The following COL24A1 variants were observed in gnomAD, a reference collection of about 807,000 sequenced individuals.
The protein encoded by COL24A1 is collagen type XXIV alpha 1 chain.
In COL24A1, 224 loss-of-function variants were observed where a neutral mutation model predicts 253.9. That is an observed-to-expected ratio of 0.88 (90% CI 0.79 to 0.99). The LOEUF (loss-of-function observed/expected upper bound fraction) is 0.99. Among genes scored for constraint, COL24A1 ranks in the 50% least tolerant of loss-of-function variants. The probability of loss-of-function intolerance (pLI) is 0.00; values close to 1 mark genes in which losing one functional copy is unlikely to be tolerated. For synonymous variants in COL24A1, 685 were observed against 673.7 expected (o/e 1.02, Z -0.26); for missense variants, 2,131 against 2,068.5 (o/e 1.03, Z -0.59).
intron 3 of COL24A1, among the ~76,000 whole-genome samples, chr1:86,120,201 T>C (rs61802238): frequency 0.14 from 21,623 of 152,034 alleles, 1,721 homozygotes; most frequent in South Asian, 0.24. Flanking sequence ...AGAAGAAAAC[T>C]TAGGCAATAC....
At chr1:85,731,878 C>T (rs1052408776) in intron 59 of COL24A1, among the ~76,000 whole-genome samples, 1 of 152,002 alleles carries the variant, frequency 6.6e-6, no homozygotes, top group Non-Finnish European at 1.5e-5. Flanking sequence ...CTAAAATTTC[C>T]ACTTGATTAG....
chr1:85,945,952 T>C (rs1007394749), intron 24 of COL24A1, among the ~76,000 whole-genome samples: 3 of 152,204 alleles, frequency 2.0e-5, no homozygotes, highest in African/African-American at 7.2e-5. Flanking sequence ...ATCTTTAAAA[T>C]GGCCTGCTTA....
intron 3 of COL24A1, among the ~76,000 whole-genome samples, chr1:86,121,557 G>A (rs1441366265): frequency 2.0e-5 from 3 of 151,422 alleles, no homozygotes; most frequent in Admixed American, 2.0e-4. Flanking sequence ...ATATGAAAGA[G>A]CAAAAAAGAA....
intron 18 of COL24A1, 147 bp downstream of exon 18, chr1:86,022,093 T>C: frequency 1.4e-6 from 1 of 732,766 alleles, no homozygotes; most frequent in Non-Finnish European, 2.3e-6. Context: ...GAATGTGAAC[T>C]GAATACCTGA....
At chr1:85,754,550 T>TAAAAAAAAAAAAAAA (rs34069021) in intron 55 of COL24A1, among the ~76,000 whole-genome samples, 2 of 110,994 alleles carry the variant, frequency 1.8e-5, no homozygotes, top group East Asian at 2.6e-4. Flanking sequence ...AAAAAAAAAT[T>TAAAAAAAAAAAAAAA]AAAAAAAAAA....
At chr1:86,124,199 A>G (rs1446631206) in intron 3 of COL24A1, among the ~76,000 whole-genome samples, 1 of 130,502 alleles carries the variant, frequency 7.7e-6, no homozygotes, top group African/African-American at 2.8e-5. Flanking sequence ...TTTTGTTTAC[A>G]TGATATTAAA....
chr1:85,986,994 T>C (rs1693773734), intron 20 of COL24A1, among the ~76,000 whole-genome samples: 1 of 151,868 alleles, frequency 6.6e-6, no homozygotes, highest in Non-Finnish European at 1.5e-5. Flanking sequence ...TACAAACCAG[T>C]AAGTTTGTAT....
intron 7 of COL24A1, among the ~76,000 whole-genome samples, chr1:86,074,937 G>A (rs1200541635): frequency 6.7e-6 from 1 of 149,220 alleles, no homozygotes; most frequent in Non-Finnish European, 1.5e-5. Flanking sequence ...AAATGCTATA[G>A]GGAAAGATCT....
Position 86,155,069 on chromosome 1 carries a change from C to A in COL24A1, c.56+1272G>T, listed in dbSNP as rs1035894803. On this transcript the variant is annotated intron_variant, in intron 1 of 59. Coordinates refer to ENST00000370571, the MANE Select transcript of COL24A1 (RefSeq NM_152890.7). Reference sequence around the variant, plus strand: ...GAAGGCAACCCGCAGAGCTTGACCTCTACTCGCTCCAGGGACTCCCCAGCC... The same window carrying A: ...GAAGGCAACCCGCAGAGCTTGACCTATACTCGCTCCAGGGACTCCCCAGCC... 5.9e-5 allele frequency: 9 copies of A among 152,560 alleles called. 1 individual carries two copies. The highest frequency in any genetic ancestry group is 2.0e-4 in the Admixed American group (3 of 15,310). 9.5% of individuals were successfully genotyped at this position (152,560 alleles called of 1,614,324 possible).
At chr1:86,052,080 T>A (rs1700351036) in intron 10 of COL24A1, among the ~76,000 whole-genome samples, 1 of 151,524 alleles carries the variant, frequency 6.6e-6, no homozygotes, top group African/African-American at 2.4e-5. Context: ...GAAATAGGGG[T>A]GTGAGAGAAG....
At chr1:86,145,356 C>A (rs1651728129) in intron 2 of COL24A1, among the ~76,000 whole-genome samples, 1 of 152,000 alleles carries the variant, frequency 6.6e-6, no homozygotes, top group Admixed American at 6.6e-5. Context: ...AGGAGAAAAA[C>A]AAACAAACAA....
intron 29 of COL24A1, 24 bp from the exon 30 acceptor site, chr1:85,896,089 G>A (rs1261193139): frequency 3.7e-6 from 6 of 1,609,154 alleles, no homozygotes; most frequent in South Asian, 1.1e-5. Context: ...AAAGCCAGGT[G>A]AGTTAGTAAG....
chr1:85,739,882 AT>A (rs1376342210), intron 57 of COL24A1, among the ~76,000 whole-genome samples: 1 of 152,086 alleles, frequency 6.6e-6, no homozygotes, highest in Non-Finnish European at 1.5e-5. Context: ...CAACAACTGC[AT>A]CTCCTCCATA....
Position 85,831,475 on chromosome 1 carries a change from A to T in COL24A1, c.3681+7110T>A, listed in dbSNP as rs747594151. ...GTAAATCTCACCAAGACAAACCTGCATTCTAAGAGTTTTGTTACAATTACT... is the reference window on the plus strand; with the variant it reads ...GTAAATCTCACCAAGACAAACCTGCTTTCTAAGAGTTTTGTTACAATTACT... On this transcript the variant is annotated intron_variant, in intron 43 of 59. Coordinates refer to ENST00000370571, the MANE Select transcript of COL24A1 (RefSeq NM_152890.7). Among the ~76,000 whole-genome samples the T allele has an allele frequency of 5.6e-4, 85 of 152,274 alleles. 2 individuals carry two copies. The highest frequency in any genetic ancestry group is 1.1e-3 in the Admixed American group (17 of 15,246).
At chr1:86,154,758 T>A (rs1214630404) in intron 1 of COL24A1, 1 of 152,942 alleles carries the variant, frequency 6.5e-6, no homozygotes, top group African/African-American at 2.4e-5. Context: ...CCTCGCGCGG[T>A]GGCAGAGGGA....
Position 85,778,605 on chromosome 1 carries a change from A to ATTT in COL24A1, c.4338+2612_4338+2614dup, listed in dbSNP as rs369650547. Among the ~76,000 whole-genome samples the ATTT allele has an allele frequency of 1.5e-3, 208 of 138,334 alleles. 8 individuals carry two copies. The highest frequency in any genetic ancestry group is 3.4e-3 in the East Asian group (16 of 4,720). The allele number at this position is 138,334 out of a possible 152,430, so 90.8% of individuals were successfully genotyped here. ...TGTTAGTTTTCTAGATTATTCTTCA[A>ATTT]TTTTTTTTTTTTTTTTGAGATGGAG... On this transcript the variant is annotated intron_variant, in intron 52 of 59. Coordinates refer to ENST00000370571, the MANE Select transcript of COL24A1 (RefSeq NM_152890.7).
intron 32 of COL24A1, among the ~76,000 whole-genome samples, chr1:85,887,096 G>T (rs962837200): frequency 7.9e-5 from 12 of 152,160 alleles, no homozygotes; most frequent in African/African-American, 2.9e-4. Context: ...CTAAGAAAGA[G>T]TAGCTAGAAA....
chr1:86,125,095 G>T lies in COL24A1; in HGVS notation c.1241C>A (p.Ala414Glu). The T allele has an allele frequency of 6.2e-7, 1 of 1,611,708 alleles. No homozygotes were observed. The highest frequency in any genetic ancestry group is 1.3e-5 in the African/African-American group (1 of 74,486). ...TITNLKKAIT[A>E]NLHTNELMEM... ...CATGAGTTCGTTAGTGTGTAGATTT[G>T]CTGTGATAGCCTTCTTGAGATTAGT... Residue 414 changes from alanine to glutamate, a missense_variant, in exon 3 of 60, where the codon GCA becomes GAA. Physicochemically the swap from Ala to Glu is moderately radical, Grantham distance 107. Coordinates refer to ENST00000370571, the MANE Select transcript of COL24A1 (RefSeq NM_152890.7).
intron 24 of COL24A1, among the ~76,000 whole-genome samples, chr1:85,956,052 G>A (rs944165958): frequency 6.6e-6 from 1 of 152,196 alleles, no homozygotes; most frequent in Non-Finnish European, 1.5e-5. Flanking sequence ...ATGATTACCT[G>A]ATGCAGAAAA....
Sources: allele counts gnomAD v4.1 joint callset (sites outside exome capture counted in the v4.1 genomes callset), GRCh38; gene constraint gnomAD v4.1.1; transcripts MANE v1.5; gene names NCBI Gene and HGNC (gene_info 2026-07-23, HGNC 2026-07-21).